Variants in ATP1A1 observed in about 807,000 individuals in gnomAD.
ATP1A1 encodes ATPase Na+/K+ transporting subunit alpha 1, also known as sodium/potassium-transporting ATPase subunit alpha-1.
Under a neutral mutation model 114.8 loss-of-function variants are expected in ATP1A1, and 14 were observed. The ratio of observed to expected loss-of-function variants is 0.12; its 90% CI spans 0.08 to 0.19. ATP1A1 has a LOEUF of 0.19. Ranked by LOEUF, ATP1A1 falls within the 10% of genes least tolerant of loss-of-function variation. ATP1A1 has a pLI of 1.00. For missense variants in ATP1A1, 524 were observed against 1,290.7 expected (o/e 0.41, Z 9.10); for synonymous variants, 471 against 466.3 (o/e 1.01, Z -0.13).
intron 8 of ATP1A1, 174 bp from the exon 9 acceptor site, chr1:116,390,039 T>C: frequency 1.4e-6 from 1 of 729,480 alleles, no homozygotes; most frequent in Non-Finnish European, 2.3e-6. Context: ...ATTGCTTTTC[T>C]GGAAGGAAGG....
At chr1:116,390,187 GTAA>G (rs769820390) in intron 8 of ATP1A1, 23 bp from the exon 9 acceptor site, 3 of 1,607,806 alleles carry the variant, frequency 1.9e-6, no homozygotes, top group South Asian at 1.1e-5. Flanking sequence ...GTTGAGTGAA[GTAA>G]TAATCTTCCT....
Position 116,397,876 on chromosome 1 carries a change from T to A in ATP1A1, c.1974-12T>A. The A allele has an allele frequency of 6.3e-7, 1 of 1,585,120 alleles. No homozygotes were observed. Among genetic ancestry groups the A allele is most frequent in the African/African-American group, 1.4e-5 (1 of 71,234 alleles). The stretch of plus-strand genomic sequence containing the variant: ...ATGCGTGACTTTTTTTTTTTTTTTG[T>A]CCTAATTCTAGGGATGCCAAGGCCT... On this transcript the variant is annotated splice_polypyrimidine_tract_variant and intron_variant, in intron 14 of 22. Transcript: ENST00000295598. The surrounding 1 kb of genome is among the most constrained non-coding windows in gnomAD (Gnocchi z 4.2).
chr1:116,404,401 CTT>C lies in ATP1A1; in HGVS notation c.3044-13_3044-12del, dbSNP rs1557797354. ...TCACTGTAGTGTGTCTTGTCTGTCT[CTT>C]TGCCACCCACAGGCTGGGTGGAGAA... On this transcript the variant is annotated splice_polypyrimidine_tract_variant and intron_variant, in intron 22 of 22. Transcript: ENST00000295598. The surrounding 1 kb of genome is among the most constrained non-coding windows in gnomAD (Gnocchi z 4.8). The C allele has an allele frequency of 1.9e-6, 3 of 1,613,798 alleles. No individual in the cohort carries two copies. Among genetic ancestry groups the C allele is most frequent in the Admixed American group, 3.3e-5 (2 of 59,964 alleles).
Position 116,384,924 on chromosome 1 carries a change from C to A in ATP1A1, c.183+82C>A. 7.5e-7 allele frequency: 1 copy of A among 1,328,184 alleles called. No individual in the cohort carries two copies. Among genetic ancestry groups the A allele is most frequent in the Non-Finnish European group, 1.1e-6 (1 of 925,674 alleles). 82.3% of individuals were successfully genotyped at this position (1,328,184 alleles called of 1,614,324 possible). A position where few individuals can be genotyped will look rare whatever the true frequency, so the allele number is the denominator to read the frequency against. On this transcript the variant is annotated intron_variant, in intron 3 of 22. Transcript: ENST00000295598. The surrounding 1 kb of genome is among the most constrained non-coding windows in gnomAD (Gnocchi z 5.1). ...CCCCTGTATTACATACAGGTCTAAC[C>A]TCAGGGGCTCTAGTAAGAAAATGAC... is the stretch of plus-strand genomic sequence containing the variant.
chr1:116,384,141 A>T lies in ATP1A1; in HGVS notation c.123+17A>T. 1.9e-6 allele frequency: 3 copies of T among 1,591,350 alleles called. No homozygotes were observed. Among genetic ancestry groups the T allele is most frequent in the Non-Finnish European group, 2.6e-6 (3 of 1,159,658 alleles). The stretch of plus-strand genomic sequence containing the variant: ...GTTTCTATGGTAAGTACTAGGAGGA[A>T]TATTGTATTCCATCCTTATTAAAAA... On this transcript the variant is annotated intron_variant, in intron 2 of 22. Coordinates refer to ENST00000295598, the MANE Select transcript of ATP1A1 (RefSeq NM_000701.8). The surrounding 1 kb of genome is among the most constrained non-coding windows in gnomAD (Gnocchi z 5.1).
Position 116,384,895 on chromosome 1 carries a change from TTTTCCCC to T in ATP1A1, c.183+55_183+61del. On this transcript the variant is annotated intron_variant, in intron 3 of 22. Transcript: ENST00000295598. This position sits in a 1 kb window ranked among gnomAD's most constrained non-coding sequence, Gnocchi z 5.1. Reference sequence around the variant, plus strand: ...CAAAATCCTAGTTTTCCGTATTATATTTTCCCCTGTATTACATACAGGTCTAACCTCA... The same window carrying T: ...CAAAATCCTAGTTTTCCGTATTATATTGTATTACATACAGGTCTAACCTCA... The T allele has an allele frequency of 6.4e-7, 1 of 1,572,838 alleles. No homozygotes were observed. Among genetic ancestry groups the T allele is most frequent in the Non-Finnish European group, 8.7e-7 (1 of 1,142,920 alleles).
intron 21 of ATP1A1, 45 bp from the exon 22 acceptor site, chr1:116,403,839 A>G: frequency 6.7e-7 from 1 of 1,497,646 alleles, no homozygotes; most frequent in Non-Finnish European, 9.2e-7. Context: ...CTTTATTTGA[A>G]CTGTGTTCGT....
Position 116,399,787 on chromosome 1 carries a change from G to A in ATP1A1, c.2572+244G>A, listed in dbSNP as rs1226048806. 6.6e-6 allele frequency among the ~76,000 whole-genome samples: 1 copy of A among 152,180 alleles called. No individual in the cohort carries two copies. The highest frequency in any genetic ancestry group is 2.4e-5 in the African/African-American group (1 of 41,432). ...TTTCTATACTGAGCACCTTGGAACT[G>A]GGCTCAACTCTGCCTGAGAAATGAG... On this transcript the variant is annotated intron_variant, in intron 18 of 22. Coordinates refer to ENST00000295598, the MANE Select transcript of ATP1A1 (RefSeq NM_000701.8). The surrounding 1 kb of genome is among the most constrained non-coding windows in gnomAD (Gnocchi z 5.0).
intron 1 of ATP1A1, 54 bp downstream of exon 1, chr1:116,373,577 G>A (rs1651135787): frequency 1.0e-5 from 14 of 1,387,068 alleles, no homozygotes; most frequent in Non-Finnish European, 1.2e-5. Flanking sequence ...GAGGGGAAGA[G>A]GAGGAAGTCG....
Position 116,397,743 on chromosome 1 carries a change from A to C in ATP1A1, c.1974-145A>C. On this transcript the variant is annotated intron_variant, in intron 14 of 22. Coordinates refer to ENST00000295598, the MANE Select transcript of ATP1A1 (RefSeq NM_000701.8). This position sits in a 1 kb window ranked among gnomAD's most constrained non-coding sequence, Gnocchi z 4.2. ...CTCTGTAACCTGTAAAGTACTGAAC[A>C]CTTAATAGCTTTTATGTGCTGGGGA... 2.0e-6 allele frequency: 2 copies of C among 1,003,904 alleles called. No homozygotes were observed. The highest frequency in any genetic ancestry group is 2.9e-6 in the Non-Finnish European group (2 of 695,504). 62.2% of individuals were successfully genotyped at this position (1,003,904 alleles called of 1,614,324 possible).
chr1:116,398,418 A>G lies in ATP1A1; in HGVS notation c.2125-203A>G, dbSNP rs889034022. ...GTAGCTCTTGTTAATGCTGGGGGCT[A>G]TGTTTGTTGTCACTTCTCAGTTCTG... is the stretch of plus-strand genomic sequence containing the variant. On this transcript the variant is annotated intron_variant, in intron 15 of 22. Transcript: ENST00000295598. The surrounding 1 kb of genome is among the most constrained non-coding windows in gnomAD (Gnocchi z 6.1). Among the ~76,000 whole-genome samples the G allele has an allele frequency of 6.6e-6, 1 of 152,036 alleles. No individual in the cohort carries two copies. Among genetic ancestry groups the G allele is most frequent in the African/African-American group, 2.4e-5 (1 of 41,370 alleles).
Position 116,404,765 on chromosome 1 carries a change from T to C in ATP1A1, c.*321T>C, listed in dbSNP as rs1653838411. The C allele has an allele frequency of 2.7e-6, 3 of 1,129,194 alleles. No individual in the cohort carries two copies. The highest frequency in any genetic ancestry group is 3.3e-5 in the South Asian group (1 of 30,128). The allele number at this position is 1,129,194 out of a possible 1,614,324, so 69.9% of individuals were successfully genotyped here. A position where few individuals can be genotyped will look rare whatever the true frequency, so the allele number is the denominator to read the frequency against. ...GATTTTTACAAATAAAGATGGCTAT[T>C]ATAATGGAATTTGTCTGTGCCCTCG... On this transcript the variant is annotated 3_prime_UTR_variant, in exon 23 of 23. Transcript: ENST00000295598. The surrounding 1 kb of genome is among the most constrained non-coding windows in gnomAD (Gnocchi z 4.8).
In ATP1A1 at chr1:116,399,410, C is replaced by G; in HGVS notation, c.2449-10C>G. 6.2e-7 allele frequency: 1 copy of G among 1,613,736 alleles called. No homozygotes were observed. Among genetic ancestry groups the G allele is most frequent in the Non-Finnish European group, 8.5e-7 (1 of 1,179,854 alleles). On this transcript the variant is annotated splice_polypyrimidine_tract_variant and intron_variant, in intron 17 of 22. Transcript: ENST00000295598. This position sits in a 1 kb window ranked among gnomAD's most constrained non-coding sequence, Gnocchi z 5.0. Reference sequence around the variant, plus strand: ...TAGTAACTAAATTCCTTCTCCCCACCCCTTCCCAGGTTCCTGCCATCTCCC... The same window carrying G: ...TAGTAACTAAATTCCTTCTCCCCACGCCTTCCCAGGTTCCTGCCATCTCCC...
At position 116,403,934 on chromosome 1, in the gene ATP1A1, A is replaced by G; in HGVS notation, c.3002A>G (p.Tyr1001Cys). 1 of 1,614,208 alleles carries G rather than the reference A, an allele frequency of 6.2e-7. No individual in the cohort carries two copies. The highest frequency in any genetic ancestry group is 8.5e-7 in the Non-Finnish European group (1 of 1,180,018). The part of the protein sequence containing the change: ...AFPYSLLIFV[Y>C]DEVRKLIIRR... ...CCCTACTCTCTTCTCATCTTCGTAT[A>G]TGACGAAGTCAGAAAACTCATCATC... The change falls in exon 22 of 23, where the codon TAT (tyrosine) becomes TGT (cysteine). Residue 1001 changes from tyrosine to cysteine, a missense_variant. Physicochemically the swap from Tyr to Cys is radical, Grantham distance 194 (BLOSUM62 -2). Transcript: ENST00000295598.
In ATP1A1 at chr1:116,402,610, C is replaced by G. The variant is rs1327563115; in HGVS notation, c.2951+955C>G. 8.0e-5 allele frequency among the ~76,000 whole-genome samples: 12 copies of G among 150,772 alleles called. No homozygotes were observed. The South Asian group carries it at 1.7e-3, about 21-fold the overall frequency. ...AGTCAGTCTCATTGTCCCAACCTGT[C>G]TTTATAGCTTTCTCTTGTACCCCTT... On this transcript the variant is annotated intron_variant, in intron 21 of 22. Transcript: ENST00000295598.
intron 3 of ATP1A1, among the ~76,000 whole-genome samples, chr1:116,386,591 A>G (rs1172772202): frequency 1.3e-5 from 2 of 152,160 alleles, no homozygotes; most frequent in African/African-American, 2.4e-5. Context: ...AAAAGTGATC[A>G]TATTTTCCTC....
At position 116,390,904 on chromosome 1, in the gene ATP1A1, G is replaced by A. The variant is rs1489090805; in HGVS notation, c.1332+13G>A. ...ACCTATTCTTAAGGTATGCTCAAGA[G>A]TTAACTAATGGAGGGATGTAGACAG... On this transcript the variant is annotated intron_variant, in intron 10 of 22. Transcript: ENST00000295598. 4 of 1,599,776 alleles carry A rather than the reference G, an allele frequency of 2.5e-6. No individual in the cohort carries two copies. Among genetic ancestry groups the A allele is most frequent in the African/African-American group, 2.7e-5 (2 of 74,584 alleles).
At position 116,388,069 on chromosome 1, in the gene ATP1A1, T is replaced by C; in HGVS notation, c.388-62T>C. On this transcript the variant is annotated intron_variant, in intron 4 of 22. Coordinates refer to ENST00000295598, the MANE Select transcript of ATP1A1 (RefSeq NM_000701.8). The surrounding 1 kb of genome is among the most constrained non-coding windows in gnomAD (Gnocchi z 5.6). ...TCTGTTTTTTATTCAGTCAAAAAAT[T>C]AATTGAATGTCCCTAATTATTGTGT... is the stretch of plus-strand genomic sequence containing the variant. 9.2e-7 allele frequency: 1 copy of C among 1,089,978 alleles called. No individual in the cohort carries two copies. The allele number at this position is 1,089,978 out of a possible 1,614,324, so 67.5% of individuals were successfully genotyped here. A position where few individuals can be genotyped will look rare whatever the true frequency, so the allele number is the denominator to read the frequency against.
At position 116,381,926 on chromosome 1, in the gene ATP1A1, C is replaced by T. The variant is rs957330306; in HGVS notation, c.13-2088C>T. ...GCACGGTGGCTCACGCCTGTAATCC[C>T]AGCACTTTGGGAGGCCGAGGTGGGT... On this transcript the variant is annotated intron_variant, in intron 1 of 22. Transcript: ENST00000295598. This position sits in a 1 kb window ranked among gnomAD's most constrained non-coding sequence, Gnocchi z 5.1. Among the ~76,000 whole-genome samples the T allele has an allele frequency of 2.6e-5, 4 of 152,154 alleles. No individual in the cohort carries two copies. The highest frequency in any genetic ancestry group is 7.2e-5 in the African/African-American group (3 of 41,424).
Sources: allele counts gnomAD v4.1 joint callset (sites outside exome capture counted in the v4.1 genomes callset), GRCh38; gene constraint gnomAD v4.1.1; non-coding constraint Gnocchi (gnomAD v3.1); transcripts MANE v1.5; gene names NCBI Gene and HGNC (gene_info 2026-07-23, HGNC 2026-07-21).